ANKRD36B: variants seen among roughly 807,000 people sequenced by gnomAD.
ANKRD36B encodes ankyrin repeat domain-containing protein 36B.
A neutral mutation model predicts 135.7 loss-of-function variants in ANKRD36B; 37 were observed. The ratio of observed to expected loss-of-function variants is 0.27; its 90% CI spans 0.21 to 0.36. The LOEUF (loss-of-function observed/expected upper bound fraction) is 0.36. Ranked by LOEUF, ANKRD36B falls within the 10% of genes least tolerant of loss-of-function variation. ANKRD36B has a pLI of 1.00. For synonymous variants in ANKRD36B, 179 were observed against 348.1 expected (o/e 0.51, Z 5.41); for missense variants, 549 against 1,037.1 (o/e 0.53, Z 6.46).
chr2:97,554,684 T>C (rs1393255216), intron 14 of ANKRD36B, among the ~76,000 whole-genome samples: 1 of 152,030 alleles, frequency 6.6e-6, no homozygotes, highest in African/African-American at 2.4e-5. Context: ...CGATCAGTTT[T>C]CCGTCTGTTT....
intron 20 of ANKRD36B, among the ~76,000 whole-genome samples, chr2:97,548,069 C>T (rs11688407): frequency 0.64 from 93,584 of 147,340 alleles, 30,912 homozygotes; most frequent in Non-Finnish European, 0.75. Context: ...TGAGAATCAA[C>T]GTGAAAGCAG....
chr2:97,553,414 G>C (rs1476536239), intron 14 of ANKRD36B, 43 bp from the exon 15 acceptor site: 17 of 1,585,676 alleles, frequency 1.1e-5, no homozygotes, highest in Non-Finnish European at 1.1e-5. Context: ...ATGTAAATAT[G>C]ATACATTTTC....
chr2:97,513,134 T>A, intron 38 of ANKRD36B, 46 bp downstream of exon 38: 1 of 1,439,662 alleles, frequency 6.9e-7, no homozygotes, highest in Non-Finnish European at 9.1e-7. Context: ...GTATAAGTAA[T>A]ATTAATAAGA....
chr2:97,584,851 A>G lies in ANKRD36B; in HGVS notation c.450+93T>C. The stretch of plus-strand genomic sequence containing the variant: ...AATATTTTCATTCAAGGAATGTTTG[A>G]GCTTCCAAATATGAAAAATTGACCC... On this transcript the variant is annotated intron_variant, in intron 3 of 43. Transcript: ENST00000359901. The G allele has an allele frequency of 4.8e-6, 3 of 621,276 alleles. No homozygotes were observed. In the African/African-American group the frequency reaches 6.2e-5, roughly 13 times the overall value. The allele number at this position is 621,276 out of a possible 1,614,324, so 38.5% of individuals were successfully genotyped here.
rs2082567333 is a variant in ANKRD36B at position 97,580,580 on chromosome 2, C to G, written c.451-12G>C. 6.5e-7 allele frequency: 1 copy of G among 1,536,628 alleles called. No homozygotes were observed. The highest frequency in any genetic ancestry group is 8.8e-7 in the Non-Finnish European group (1 of 1,139,014). ...GGCTGATATTCATTCTGTAAAATAA[C>G]AGCAACAATTTATAATCACAAAATT... On this transcript the variant is annotated splice_polypyrimidine_tract_variant and intron_variant, in intron 3 of 43. Coordinates refer to ENST00000359901, the MANE Select transcript of ANKRD36B (RefSeq NM_001393939.1).
chr2:97,566,653 AT>A (rs2081458093), intron 6 of ANKRD36B, among the ~76,000 whole-genome samples: 1 of 151,796 alleles, frequency 6.6e-6, no homozygotes, highest in Non-Finnish European at 1.5e-5. Context: ...AGAAAATGGC[AT>A]CATTAGTAGA....
At position 97,534,644 on chromosome 2, in the gene ANKRD36B, GT is replaced by G. The variant is rs2078767495; in HGVS notation, c.2191+1655del. On this transcript the variant is annotated intron_variant, in intron 34 of 43. Coordinates refer to ENST00000359901, the MANE Select transcript of ANKRD36B (RefSeq NM_001393939.1). ...TACAATGAGGTATCATCTCACCTCA[GT>G]TAAAATGGCTTTTATCCAAATGGCA... Among the ~76,000 whole-genome samples, 2 of 97,046 alleles carry G rather than the reference GT, an allele frequency of 2.1e-5. 1 individual carries two copies. Among genetic ancestry groups the G allele is most frequent in the African/African-American group, 6.2e-5 (2 of 32,252 alleles). 63.7% of individuals were successfully genotyped at this position (97,046 alleles called of 152,430 possible).
intron 26 of ANKRD36B, among the ~76,000 whole-genome samples, chr2:97,542,938 TTA>T (rs1218220114): frequency 7.6e-6 from 1 of 131,446 alleles, no homozygotes; most frequent in African/African-American, 2.6e-5. Flanking sequence ...GAATTCAACA[TTA>T]TTTTTGTTTC....
Position 97,538,191 on chromosome 2 carries a change from G to A in ANKRD36B, c.2066C>T (p.Thr689Met), listed in dbSNP as rs369666439. The A allele has an allele frequency of 5.2e-5, 67 of 1,276,530 alleles. 15 individuals are homozygous for A. The highest frequency in any genetic ancestry group is 5.0e-4 in the East Asian group (19 of 38,286). The allele number at this position is 1,276,530 out of a possible 1,614,324, so 79.1% of individuals were successfully genotyped here. ...ACCTGTTCCAGATTTCCCACCGCCC[G>A]TTATTCTTGTGGCAATATTCAAAAG... The part of the protein sequence containing the change: ...VSLLNIATRI[T>M]GGGKSGTEYP... The change falls in exon 32 of 44, where the codon ACG becomes ATG. Residue 689 changes from threonine (T) to methionine (M), a missense_variant. Physicochemically the swap from Thr to Met is moderately conservative, Grantham distance 81 (BLOSUM62 -1). Coordinates refer to ENST00000359901, the MANE Select transcript of ANKRD36B (RefSeq NM_001393939.1).
At chr2:97,538,309 C>A in intron 31 of ANKRD36B, 26 bp downstream of exon 31, 1 of 981,954 alleles carries the variant, frequency 1.0e-6, no homozygotes, top group Non-Finnish European at 1.5e-6. Flanking sequence ...ATAAATAATT[C>A]AAAATATAAA....
chr2:97,554,100 T>C (rs1407585915), intron 14 of ANKRD36B, among the ~76,000 whole-genome samples: 2 of 151,906 alleles, frequency 1.3e-5, no homozygotes, highest in Admixed American at 1.3e-4. Flanking sequence ...GACATACTTC[T>C]ACTAAATAAA....
rs1346467695 is a variant in ANKRD36B, at chr2:97,536,791, C to A, written c.2090-295G>T. Among the ~76,000 whole-genome samples the A allele has an allele frequency of 9.3e-5, 9 of 96,856 alleles. 3 individuals are homozygous for A. Among genetic ancestry groups the A allele is most frequent in the African/African-American group, 2.8e-4 (9 of 32,316 alleles). The allele number at this position is 96,856 out of a possible 152,430, so 63.5% of individuals were successfully genotyped here. ...ACTGATTAACAAGGAGAAATGTGATCTAAAATCAGAGGAGCAAGTCATAAC... is the reference window on the plus strand; with the variant it reads ...ACTGATTAACAAGGAGAAATGTGATATAAAATCAGAGGAGCAAGTCATAAC... On this transcript the variant is annotated intron_variant, in intron 32 of 43. Coordinates refer to ENST00000359901, the MANE Select transcript of ANKRD36B (RefSeq NM_001393939.1).
intron 14 of ANKRD36B, among the ~76,000 whole-genome samples, chr2:97,554,639 G>A (rs76697622): frequency 6.6e-6 from 1 of 151,844 alleles, no homozygotes; most frequent in Non-Finnish European, 1.5e-5. Context: ...CAGTGGTCTC[G>A]TTAGTTCTCG....
rs143378365 is a variant in ANKRD36B at position 97,566,525 on chromosome 2, G to A, written c.764-5665C>T. ...TAAGAACTCTTATTTCCTTTCTTACGTGCTTAGCATGTACTTATCAAATGC... is the reference window on the plus strand; with the variant it reads ...TAAGAACTCTTATTTCCTTTCTTACATGCTTAGCATGTACTTATCAAATGC... On this transcript the variant is annotated intron_variant, in intron 6 of 43. Coordinates refer to ENST00000359901, the MANE Select transcript of ANKRD36B (RefSeq NM_001393939.1). Among the ~76,000 whole-genome samples the A allele has an allele frequency of 5.0e-3, 756 of 152,046 alleles. 6 individuals carry two copies. Among genetic ancestry groups the A allele is most frequent in the African/African-American group, 0.016 (666 of 41,438 alleles).
intron 8 of ANKRD36B, among the ~76,000 whole-genome samples, chr2:97,559,789 T>C (rs533877051): frequency 1.8e-3 from 279 of 152,072 alleles, no homozygotes; most frequent in African/African-American, 6.4e-3. Flanking sequence ...ATCACCACTT[T>C]AGGAGTTAAT....
intron 6 of ANKRD36B, among the ~76,000 whole-genome samples, chr2:97,566,941 T>C (rs1244061104): frequency 6.6e-6 from 1 of 151,996 alleles, no homozygotes; most frequent in Non-Finnish European, 1.5e-5. Context: ...ATCCCACAGG[T>C]TGAGGGCTCA....
In ANKRD36B at chr2:97,555,119, T is replaced by C; in HGVS notation, c.1112A>G (p.Lys371Arg). The C allele has an allele frequency of 1.2e-6, 2 of 1,611,996 alleles. No homozygotes were observed. The highest frequency in any genetic ancestry group is 1.7e-6 in the Non-Finnish European group (2 of 1,178,720). The change falls in exon 14 of 44, where the codon AAG becomes AGG. Residue 371 changes from lysine to arginine, a missense_variant. Transcript: ENST00000359901. ...AGCTGTATTCAAAGCAGAATCTGTCTTGTCACTTGCAGTCTGAAAGTAATT... is the reference window on the plus strand; with the variant it reads ...AGCTGTATTCAAAGCAGAATCTGTCCTGTCACTTGCAGTCTGAAAGTAATT... ...KQPASKTASD[K>R]TDSALNTATE...
chr2:97,566,047 C>G (rs1205645273), intron 6 of ANKRD36B, among the ~76,000 whole-genome samples: 1 of 151,838 alleles, frequency 6.6e-6, no homozygotes, highest in African/African-American at 2.4e-5. Flanking sequence ...GGCACAGTGG[C>G]TCATGGCTGT....
chr2:97,566,524 C>T (rs778348385), intron 6 of ANKRD36B, among the ~76,000 whole-genome samples: 9 of 152,124 alleles, frequency 5.9e-5, no homozygotes, highest in South Asian at 2.1e-4. Flanking sequence ...TCCTTTCTTA[C>T]GTGCTTAGCA....
Sources: allele counts gnomAD v4.1 joint callset (sites outside exome capture counted in the v4.1 genomes callset), GRCh38; gene constraint gnomAD v4.1.1; transcripts MANE v1.5; gene names NCBI Gene and HGNC (gene_info 2026-07-23, HGNC 2026-07-21).